PFKFB3: variants seen among roughly 807,000 people sequenced by gnomAD.
PFKFB3 encodes 6-phosphofructo-2-kinase/fructose-2,6-bisphosphatase 3.
A neutral mutation model predicts 68.0 loss-of-function variants in PFKFB3; 33 were observed. That is an observed-to-expected ratio of 0.49 (90% CI 0.37 to 0.65). The LOEUF (loss-of-function observed/expected upper bound fraction) is 0.65, where lower values mean the gene tolerates loss of function less well. PFKFB3 is among the 30% of genes least tolerant of loss of function. The pLI, the probability that PFKFB3 is intolerant of heterozygous loss-of-function variation, is 0.00. For synonymous variants in PFKFB3, 315 were observed against 288.2 expected, an observed-to-expected ratio of 1.09 and a Z score of -0.94; for missense variants, 586 against 712.2, an observed-to-expected ratio of 0.82 and a Z score of 2.02.
chr10:6,246,346 T>A (rs998748629), intron 14 of PFKFB3, among the ~76,000 whole-genome samples: 9 of 145,774 alleles, frequency 6.2e-5, no homozygotes, highest in Admixed American at 2.7e-4. Context: ...ATTATTATTA[T>A]TAATTTTTTT....
At position 6,233,125 on chromosome 10, in the gene PFKFB3, A is replaced by G; in HGVS notation, c.*183A>G. The G allele has an allele frequency of 1.7e-6, 1 of 583,814 alleles. No homozygotes were observed. The highest frequency in any genetic ancestry group is 2.1e-5 in the South Asian group (1 of 47,926). 36.2% of individuals were successfully genotyped at this position (583,814 alleles called of 1,614,324 possible). On this transcript the variant is annotated 3_prime_UTR_variant, in exon 15 of 15. Transcript: ENST00000379775. ...TGTGTCCCCTCGGCCGCTGGACACCAGAAAGCCACGTGGGTCCCTGGCGCC... is the reference window on the plus strand; with the variant it reads ...TGTGTCCCCTCGGCCGCTGGACACCGGAAAGCCACGTGGGTCCCTGGCGCC...
chr10:6,272,787 T>G, the PFKFB3 span, among the ~76,000 whole-genome samples: 1 of 152,116 alleles, frequency 6.6e-6, no homozygotes, highest in African/African-American at 2.4e-5. Context: ...CCTGGATCTG[T>G]GCATGCCAAG....
At chr10:6,324,242 T>G in the PFKFB3 span, among the ~76,000 whole-genome samples, 1 of 152,126 alleles carries the variant, frequency 6.6e-6, no homozygotes, top group African/African-American at 2.4e-5. Context: ...CTATTTACAT[T>G]AGATTCCCAG....
At chr10:6,227,062 G>A (rs986284785) in intron 14 of PFKFB3, among the ~76,000 whole-genome samples, 5 of 151,980 alleles carry the variant, frequency 3.3e-5, no homozygotes, top group Non-Finnish European at 2.9e-5. Context: ...CTCCAGCCTG[G>A]GTGACAGAGG....
the PFKFB3 span, among the ~76,000 whole-genome samples, chr10:6,324,681 C>T: frequency 3.9e-5 from 6 of 152,062 alleles, no homozygotes; most frequent in Non-Finnish European, 7.4e-5. Context: ...CCACCCACCT[C>T]GGCCTCCAGA....
chr10:6,154,802 C>T lies in PFKFB3; in HGVS notation c.16+9789C>T, dbSNP rs1181236206. Among the ~76,000 whole-genome samples the T allele has an allele frequency of 6.6e-6, 1 of 152,192 alleles. No individual in the cohort carries two copies. The highest frequency in any genetic ancestry group is 1.9e-4 in the East Asian group (1 of 5,196). ...GGTAGCTCCCCCAGCTGCCTTCTGTCTGATCTGGGGAGACGCTGGGAGCCA... is the reference window on the plus strand; with the variant it reads ...GGTAGCTCCCCCAGCTGCCTTCTGTTTGATCTGGGGAGACGCTGGGAGCCA... On this transcript the variant is annotated intron_variant, in intron 1 of 14. Transcript: ENST00000379789. This position sits in a 1 kb window ranked among gnomAD's most constrained non-coding sequence, Gnocchi z 4.6.
At chr10:6,176,447 G>A (rs933988838) in intron 1 of PFKFB3, among the ~76,000 whole-genome samples, 5 of 152,116 alleles carry the variant, frequency 3.3e-5, no homozygotes, top group Non-Finnish European at 5.9e-5. Flanking sequence ...TCCCTCTGTT[G>A]CCCAGGCTGG....
chr10:6,190,434 G>A (rs1331470792), intron 1 of PFKFB3, among the ~76,000 whole-genome samples: 1 of 152,206 alleles, frequency 6.6e-6, no homozygotes, highest in African/African-American at 2.4e-5. Flanking sequence ...TGTATCCACA[G>A]TTGAGTGGAT....
In PFKFB3 at chr10:6,215,361, G is replaced by C. The variant is rs1486778880; in HGVS notation, c.299+44G>C. The C allele has an allele frequency of 4.7e-6, 7 of 1,476,400 alleles. No individual in the cohort carries two copies. The highest frequency in any genetic ancestry group is 6.6e-6 in the Non-Finnish European group (7 of 1,058,704). The allele number at this position is 1,476,400 out of a possible 1,614,324, so 91.5% of individuals were successfully genotyped here. On this transcript the variant is annotated intron_variant, in intron 3 of 14. Transcript: ENST00000379775. The surrounding 1 kb of genome is among the most constrained non-coding windows in gnomAD (Gnocchi z 4.3). The stretch of plus-strand genomic sequence containing the variant: ...CGTAGGGCTGGGCTGTGGGAATAAG[G>C]CTGGGCCGCGGGCATAAGGCTGGGC...
intron 11 of PFKFB3, among the ~76,000 whole-genome samples, chr10:6,223,555 G>A (rs1027459299): frequency 2.6e-5 from 4 of 152,198 alleles, no homozygotes; most frequent in Admixed American, 6.5e-5. Context: ...GCCCCTGCCC[G>A]ACAGGGCTTC....
At chr10:6,192,685 G>A (rs1311967628) in intron 1 of PFKFB3, among the ~76,000 whole-genome samples, 15 of 150,004 alleles carry the variant, frequency 1.0e-4, no homozygotes, top group African/African-American at 3.5e-4. Context: ...GTGTGTGTGT[G>A]TGTGTGTGTG....
intron 14 of PFKFB3, among the ~76,000 whole-genome samples, chr10:6,248,628 CAAAAAAAAAAAAAAA>C (rs1215741346): frequency 1.4e-5 from 1 of 71,874 alleles, no homozygotes; most frequent in Non-Finnish European, 2.7e-5. Flanking sequence ...GACTCCATCT[CAAAAAAAAAAAAAAA>C]AAAAAAAAAG....
At chr10:6,202,580 C>A (rs1233252316), upstream of PFKFB3, 1 of 153,384 alleles carries the variant, frequency 6.5e-6, no homozygotes, top group East Asian at 1.9e-4. Flanking sequence ...CTACACTGGG[C>A]AGGACTGCGT....
the PFKFB3 span, among the ~76,000 whole-genome samples, chr10:6,281,166 C>CATATATATAT: frequency 0.039 from 3,298 of 84,540 alleles, 385 homozygotes; most frequent in East Asian, 0.12. Context: ...AGTATTCCAT[C>CATATATATAT]ATATATATAT....
chr10:6,320,991 C>T, the PFKFB3 span, among the ~76,000 whole-genome samples: 1 of 152,152 alleles, frequency 6.6e-6, no homozygotes, highest in African/African-American at 2.4e-5. Flanking sequence ...AACCACTGTC[C>T]ATGGAAATAG....
intron 1 of PFKFB3, among the ~76,000 whole-genome samples, chr10:6,163,661 G>A (rs1422693426): frequency 2.6e-5 from 4 of 152,042 alleles, no homozygotes; most frequent in Non-Finnish European, 5.9e-5. Flanking sequence ...CCCGGGCCCC[G>A]GGAGCAGCTG....
At chr10:6,301,110 G>A in the PFKFB3 span, among the ~76,000 whole-genome samples, 14 of 152,124 alleles carry the variant, frequency 9.2e-5, no homozygotes, top group Non-Finnish European at 2.1e-4. Flanking sequence ...GTGAACATGA[G>A]ATGATATCTT....
rs75741077 is a variant in PFKFB3 at position 6,224,761 on chromosome 10, A to C, written c.1341+548A>C. The C allele has an allele frequency of 6.5e-3, 2,102 of 320,958 alleles. 76 individuals are homozygous for C. In the East Asian group the frequency reaches 0.072, roughly 11 times the overall value. 19.9% of individuals were successfully genotyped at this position (320,958 alleles called of 1,614,324 possible). A position where few individuals can be genotyped will look rare whatever the true frequency, so the allele number is the denominator to read the frequency against. The stretch of plus-strand genomic sequence containing the variant: ...CTTAGTCTCCCAAAGTGCTAGGATA[A>C]AGGTGTGAGCCGTTGTGCCCAGCGT... On this transcript the variant is annotated intron_variant, in intron 13 of 14. Transcript: ENST00000379775.
rs191803686 is a variant in PFKFB3, at chr10:6,179,219, C to G, written c.16+34206C>G. 1.8e-3 allele frequency among the ~76,000 whole-genome samples: 278 copies of G among 152,352 alleles called. 1 individual carries two copies. The highest frequency in any genetic ancestry group is 1.9e-3 in the East Asian group (10 of 5,184). ...ATTCAGTTATTGGTCCGAGGTCACA[C>G]AGCGTGTGAGTCGGGAAGGAAGGGG... On this transcript the variant is annotated intron_variant, in intron 1 of 14. Coordinates refer to the PFKFB3 transcript ENST00000379789.
Sources: gnomAD v4.1 joint callset for allele counts (sites outside exome capture counted in the v4.1 genomes callset) on GRCh38, gnomAD v4.1.1 for gene constraint, Gnocchi (gnomAD v3.1) non-coding constraint, MANE v1.5 for transcripts, NCBI Gene and HGNC (gene_info 2026-07-23, HGNC 2026-07-21) for gene names.